The following ALDH5A1 variants were observed in gnomAD, a reference collection of about 807,000 sequenced individuals.
ALDH5A1 encodes the protein succinate-semialdehyde dehydrogenase, mitochondrial.
In ALDH5A1, 33 loss-of-function variants were observed where a neutral mutation model predicts 54.7. That is an observed-to-expected ratio of 0.60 (90% CI 0.46 to 0.81). The LOEUF (loss-of-function observed/expected upper bound fraction) is 0.81. ALDH5A1 is among the 30% of genes least tolerant of loss of function. The pLI is 0.00. For synonymous variants in ALDH5A1, 294 were observed against 292.7 expected (o/e 1.00, Z -0.05); for missense variants, 657 against 711.0 (o/e 0.92, Z 0.86).
chr6:24,498,929 T>C (rs2744578), intron 1 of ALDH5A1, among the ~76,000 whole-genome samples: 49,934 of 151,508 alleles, frequency 0.33, 8,573 homozygotes, highest in African/African-American at 0.39. Flanking sequence ...CGAAACCCCA[T>C]CTCTACTAAA....
intron 5 of ALDH5A1, among the ~76,000 whole-genome samples, chr6:24,516,356 A>C (rs1013968007): frequency 2.0e-5 from 3 of 148,160 alleles, no homozygotes; most frequent in African/African-American, 7.5e-5. Context: ...GAATGGTGTG[A>C]ACCCAGGAGG....
chr6:24,511,945 T>C, intron 4 of ALDH5A1: 4 of 531,686 alleles, frequency 7.5e-6, no homozygotes, highest in East Asian at 3.2e-5. Flanking sequence ...TCTGGTTTCT[T>C]CTTATTGGGG....
intron 7 of ALDH5A1, 66 bp downstream of exon 7, chr6:24,522,991 A>G (rs1759732477): frequency 6.6e-7 from 1 of 1,524,368 alleles, no homozygotes; most frequent in African/African-American, 1.4e-5. Context: ...TTAATCAGCA[A>G]AAAACACTTT....
Position 24,537,005 on chromosome 6 carries a change from T to G in ALDH5A1, c.*3293T>G, listed in dbSNP as rs1329947186. ...TTTAAATAGCATTTTACTTGAATAATATGTATGTTGTCATTGTTTCATGCT... is the reference window on the plus strand; with the variant it reads ...TTTAAATAGCATTTTACTTGAATAAGATGTATGTTGTCATTGTTTCATGCT... On this transcript the variant is annotated 3_prime_UTR_variant, in exon 10 of 10. Coordinates refer to ENST00000357578, the MANE Select transcript of ALDH5A1 (RefSeq NM_001080.3). The G allele has an allele frequency of 1.3e-5, 2 of 152,678 alleles. No individual in the cohort carries two copies. The highest frequency in any genetic ancestry group is 2.4e-5 in the African/African-American group (1 of 41,458). 9.5% of individuals were successfully genotyped at this position (152,678 alleles called of 1,614,324 possible). A position where few individuals can be genotyped will look rare whatever the true frequency, so the allele number is the denominator to read the frequency against.
At chr6:24,515,083 ATC>A (rs1372178050) in intron 4 of ALDH5A1, 82 bp from the exon 5 acceptor site, 17 of 1,428,004 alleles carry the variant, frequency 1.2e-5, no homozygotes, top group Non-Finnish European at 3.8e-6. Flanking sequence ...TGGGTTAAGT[ATC>A]TATTTATTTC....
intron 4 of ALDH5A1, among the ~76,000 whole-genome samples, chr6:24,506,358 A>G (rs184577238): frequency 3.5e-4 from 49 of 140,920 alleles, no homozygotes; most frequent in Admixed American, 1.2e-3. Context: ...GGTTCAAGCA[A>G]TTTTCTGCCT....
In ALDH5A1 at chr6:24,499,452, A is replaced by G. The variant is rs140869197; in HGVS notation, c.355-3071A>G. ...TCTTTTTTTAAGTGGTTTTATGTGAATGAATTAATTTTTTTTTTAATAAGC... is the reference window on the plus strand; with the variant it reads ...TCTTTTTTTAAGTGGTTTTATGTGAGTGAATTAATTTTTTTTTTAATAAGC... On this transcript the variant is annotated intron_variant, in intron 1 of 9. Transcript: ENST00000357578. Among the ~76,000 whole-genome samples the G allele has an allele frequency of 4.0e-3, 557 of 139,460 alleles. 2 individuals carry two copies. Among genetic ancestry groups the G allele is most frequent in the Middle Eastern group, 0.018 (5 of 274 alleles). The allele number at this position is 139,460 out of a possible 152,430, so 91.5% of individuals were successfully genotyped here. A position where few individuals can be genotyped will look rare whatever the true frequency, so the allele number is the denominator to read the frequency against.
At chr6:24,508,329 T>C (rs1581810943) in intron 4 of ALDH5A1, among the ~76,000 whole-genome samples, 1 of 120,416 alleles carries the variant, frequency 8.3e-6, no homozygotes, top group African/African-American at 3.3e-5. Flanking sequence ...GCCACCGTAC[T>C]CCAGCCAGGT....
chr6:24,526,762 G>A (rs809419), intron 7 of ALDH5A1, among the ~76,000 whole-genome samples: 84,890 of 148,784 alleles, frequency 0.57, 27,985 homozygotes, highest in Non-Finnish European at 0.76. Flanking sequence ...CAGAGTTAGG[G>A]GAAAATAATT....
Position 24,533,793 on chromosome 6 carries a change from C to G in ALDH5A1, c.*81C>G. ...CATGCCATCCATTATTTTAAATAAA[C>G]TAATAGGTTTTCAGAATTATGAATT... On this transcript the variant is annotated 3_prime_UTR_variant, in exon 10 of 10. Coordinates refer to ENST00000357578, the MANE Select transcript of ALDH5A1 (RefSeq NM_001080.3). The G allele has an allele frequency of 3.8e-6, 5 of 1,315,554 alleles. No homozygotes were observed. Among genetic ancestry groups the G allele is most frequent in the Non-Finnish European group, 4.3e-6 (4 of 938,696 alleles). The allele number at this position is 1,315,554 out of a possible 1,614,324, so 81.5% of individuals were successfully genotyped here. A position where few individuals can be genotyped will look rare whatever the true frequency, so the allele number is the denominator to read the frequency against.
chr6:24,532,384 T>C (rs556294954), intron 9 of ALDH5A1, among the ~76,000 whole-genome samples: 96 of 152,364 alleles, frequency 6.3e-4, no homozygotes, highest in South Asian at 1.2e-3. Flanking sequence ...TTGGGAGCTC[T>C]CTAATTACAG....
intron 7 of ALDH5A1, among the ~76,000 whole-genome samples, chr6:24,527,150 A>G (rs1759828690): frequency 6.6e-6 from 1 of 151,792 alleles, no homozygotes. Context: ...AAGTGCACTC[A>G]AAGTTCTGAA....
At chr6:24,532,058 C>T (rs1170224552) in intron 8 of ALDH5A1, 61 bp from the exon 9 acceptor site, 2 of 1,514,134 alleles carry the variant, frequency 1.3e-6, no homozygotes, top group Admixed American at 1.7e-5. Context: ...CAGAAGAAAA[C>T]AAAACTGGTT....
chr6:24,495,398 G>A (rs1055728206), intron 1 of ALDH5A1, 48 bp downstream of exon 1: 1 of 1,505,612 alleles, frequency 6.6e-7, no homozygotes, highest in South Asian at 1.2e-5. Flanking sequence ...GGGACACGGC[G>A]GGGAGCAGAG....
At chr6:24,501,914 G>GTGT (rs1561868970) in intron 1 of ALDH5A1, among the ~76,000 whole-genome samples, 5 of 146,822 alleles carry the variant, frequency 3.4e-5, no homozygotes, top group African/African-American at 1.3e-4. Flanking sequence ...TGTGTGTGTG[G>GTGT]GTGTATATAT....
Position 24,509,076 on chromosome 6 carries a change from C to T in ALDH5A1, c.726+4091C>T, listed in dbSNP as rs186218399. On this transcript the variant is annotated intron_variant, in intron 4 of 9. Transcript: ENST00000357578. This position sits in a 1 kb window ranked among gnomAD's most constrained non-coding sequence, Gnocchi z 4.7. Reference sequence around the variant, plus strand: ...TCCTGCTCTGTGGGTTGTCTGTTTACTCTGCTGACTGTTCCTTTTGCCATG... The same window carrying T: ...TCCTGCTCTGTGGGTTGTCTGTTTATTCTGCTGACTGTTCCTTTTGCCATG... Among the ~76,000 whole-genome samples, 602 of 152,132 alleles carry T rather than the reference C, an allele frequency of 4.0e-3. 2 individuals carry two copies. The highest frequency in any genetic ancestry group is 0.013 in the African/African-American group (558 of 41,538).
rs548205611 is a variant in ALDH5A1, at chr6:24,506,968, G to T, written c.726+1983G>T. The stretch of plus-strand genomic sequence containing the variant: ...GTCTCCTTTTTCTGTTTCAGGATCT[G>T]GTCCAGGATATCCCATTACATTTAG... On this transcript the variant is annotated intron_variant, in intron 4 of 9. Coordinates refer to ENST00000357578, the MANE Select transcript of ALDH5A1 (RefSeq NM_001080.3). 3.9e-5 allele frequency among the ~76,000 whole-genome samples: 6 copies of T among 152,266 alleles called. No homozygotes were observed. The South Asian group carries it at 1.2e-3, about 32-fold the overall frequency.
intron 4 of ALDH5A1, among the ~76,000 whole-genome samples, chr6:24,510,256 T>C (rs1759436497): frequency 6.6e-6 from 1 of 152,204 alleles, no homozygotes. Flanking sequence ...TTCCATGCAC[T>C]AATAAATAGA....
chr6:24,515,452 C>A, intron 5 of ALDH5A1, 142 bp downstream of exon 5: 2 of 1,030,286 alleles, frequency 1.9e-6, no homozygotes, highest in Non-Finnish European at 1.4e-6. Context: ...AGGCCAAGCA[C>A]GGCGGCTCAT....
Sources: allele counts gnomAD v4.1 joint callset (sites outside exome capture counted in the v4.1 genomes callset), GRCh38; gene constraint gnomAD v4.1.1; non-coding constraint Gnocchi (gnomAD v3.1); transcripts MANE v1.5; gene names NCBI Gene and HGNC (gene_info 2026-07-23, HGNC 2026-07-21).